WNT3A: variants seen among roughly 807,000 people sequenced by gnomAD.
WNT3A encodes the protein protein Wnt-3a.
A neutral mutation model predicts 37.0 loss-of-function variants in WNT3A; 17 were observed. The observed-to-expected ratio is 0.46, with a 90% CI of 0.31 to 0.69. The LOEUF is 0.69. Among genes scored for constraint, WNT3A ranks in the 30% least tolerant of loss-of-function variants. The pLI is 0.05. For missense variants in WNT3A, 411 were observed against 510.2 expected, an observed-to-expected ratio of 0.81 and a Z score of 1.87; for synonymous variants, 187 against 211.0, an observed-to-expected ratio of 0.89 and a Z score of 0.99.
intron 1 of WNT3A, among the ~76,000 whole-genome samples, chr1:228,020,083 G>C (rs183580884): frequency 2.6e-5 from 4 of 152,256 alleles, no homozygotes; most frequent in African/African-American, 7.2e-5. Context: ...CATTAGCCAG[G>C]CATGGTGGTG....
At position 228,050,760 on chromosome 1, in the gene WNT3A, A is replaced by C; in HGVS notation, c.418A>C (p.Ser140Arg). The C allele has an allele frequency of 6.2e-7, 1 of 1,613,988 alleles. No homozygotes were observed. The highest frequency in any genetic ancestry group is 8.5e-7 in the Non-Finnish European group (1 of 1,180,008). ...EGTAAICGCS[S>R]RHQGSPGKGW... ...CACGGCCGCCATCTGTGGCTGCAGC[A>C]GCCGCCACCAGGGCTCACCAGGCAA... The change falls in exon 3 of 4, where the codon AGC (serine) becomes CGC (arginine). Residue 140 changes from serine (S) to arginine (R), a missense_variant. Physicochemically the swap from Ser to Arg is moderately radical, Grantham distance 110. Coordinates refer to ENST00000284523, the MANE Select transcript of WNT3A (RefSeq NM_033131.4). The surrounding 1 kb of genome is among the most constrained non-coding windows in gnomAD (Gnocchi z 5.0).
At chr1:228,043,511 C>T (rs562606440) in intron 2 of WNT3A, among the ~76,000 whole-genome samples, 38 of 152,320 alleles carry the variant, frequency 2.5e-4, no homozygotes, top group Non-Finnish European at 3.8e-4. Flanking sequence ...GCACTTCCCA[C>T]GGGCAAGATG....
intron 2 of WNT3A, among the ~76,000 whole-genome samples, chr1:228,024,792 T>C (rs1352678703): frequency 6.6e-6 from 1 of 152,266 alleles, no homozygotes; most frequent in Non-Finnish European, 1.5e-5. Flanking sequence ...AAGTATTTAA[T>C]CTATTTTGAG....
In WNT3A at chr1:228,060,060, C is replaced by A; in HGVS notation, c.*595C>A. 1 of 1,197,180 alleles carries A rather than the reference C, an allele frequency of 8.4e-7. No individual in the cohort carries two copies. Among genetic ancestry groups the A allele is most frequent in the South Asian group, 1.5e-5 (1 of 66,312 alleles). The allele number at this position is 1,197,180 out of a possible 1,614,324, so 74.2% of individuals were successfully genotyped here. On this transcript the variant is annotated 3_prime_UTR_variant, in exon 4 of 4. Transcript: ENST00000284523. ...AAGGCCCCTTCCACGGGGGCTGTGG[C>A]TCTGGGTGGGCGTGGCCTGCATAGG...
At chr1:228,032,800 G>A (rs900755729) in intron 2 of WNT3A, among the ~76,000 whole-genome samples, 3 of 152,126 alleles carry the variant, frequency 2.0e-5, no homozygotes, top group African/African-American at 7.2e-5. Flanking sequence ...CAGGATCTGA[G>A]GATTCTGATT....
In WNT3A at chr1:228,060,190, T is replaced by C. The variant is rs377412775; in HGVS notation, c.*725T>C. On this transcript the variant is annotated 3_prime_UTR_variant, in exon 4 of 4. Coordinates refer to ENST00000284523, the MANE Select transcript of WNT3A (RefSeq NM_033131.4). ...GGGAACCGCCCTCCTGATTAAGGCG[T>C]GGCTTCTGCAGGAATCCCGGCTCCA... The C allele has an allele frequency of 5.2e-6, 7 of 1,351,538 alleles. No homozygotes were observed. Among genetic ancestry groups the C allele is most frequent in the Non-Finnish European group, 6.9e-6 (7 of 1,021,460 alleles). The allele number at this position is 1,351,538 out of a possible 1,614,324, so 83.7% of individuals were successfully genotyped here. A position where few individuals can be genotyped will look rare whatever the true frequency, so the allele number is the denominator to read the frequency against.
At chr1:228,017,064 C>A (rs1347306120) in intron 1 of WNT3A, among the ~76,000 whole-genome samples, 1 of 152,242 alleles carries the variant, frequency 6.6e-6, no homozygotes, top group Non-Finnish European at 1.5e-5. Flanking sequence ...TCTTAGAAAG[C>A]AGTGGCCCCT....
At chr1:228,028,082 G>T (rs1022386871) in intron 2 of WNT3A, among the ~76,000 whole-genome samples, 1 of 152,042 alleles carries the variant, frequency 6.6e-6, no homozygotes, top group Non-Finnish European at 1.5e-5. Flanking sequence ...TCAGTTGTCT[G>T]TACATTTTTG....
chr1:228,024,971 A>G (rs1277524947), intron 2 of WNT3A, among the ~76,000 whole-genome samples: 1 of 151,916 alleles, frequency 6.6e-6, no homozygotes, highest in Non-Finnish European at 1.5e-5. Flanking sequence ...TTATTTCTGG[A>G]CTCTCAATTC....
intron 2 of WNT3A, among the ~76,000 whole-genome samples, chr1:228,025,113 G>C (rs1055589661): frequency 6.6e-6 from 1 of 152,074 alleles, no homozygotes; most frequent in African/African-American, 2.4e-5. Context: ...GATTGTTTGG[G>C]GGGGACAGGA....
intron 2 of WNT3A, among the ~76,000 whole-genome samples, chr1:228,029,246 G>C (rs2030936226): frequency 6.6e-6 from 1 of 152,282 alleles, no homozygotes; most frequent in East Asian, 1.9e-4. Context: ...AGGGCCCTTG[G>C]AGCTTCCTTT....
Position 228,037,469 on chromosome 1 carries a change from G to T in WNT3A, c.314-13187G>T, listed in dbSNP as rs553354591. Among the ~76,000 whole-genome samples, 28 of 152,092 alleles carry T rather than the reference G, an allele frequency of 1.8e-4. No homozygotes were observed. In the East Asian group the frequency reaches 5.4e-3, roughly 30 times the overall value. ...GACAGCCCAGCCTCCTCTCCTCCCC[G>T]CTGAGCCCCCAGGAGCCCCTCGGGG... is the stretch of plus-strand genomic sequence containing the variant. On this transcript the variant is annotated intron_variant, in intron 2 of 3. Transcript: ENST00000284523. This position sits in a 1 kb window ranked among gnomAD's most constrained non-coding sequence, Gnocchi z 4.1.
At chr1:228,024,336 G>A (rs1261713261) in intron 2 of WNT3A, among the ~76,000 whole-genome samples, 2 of 152,166 alleles carry the variant, frequency 1.3e-5, no homozygotes, top group Non-Finnish European at 2.9e-5. Flanking sequence ...GTTTTCTGGT[G>A]TTTGTATTTC....
intron 2 of WNT3A, among the ~76,000 whole-genome samples, chr1:228,035,432 G>A (rs1172424715): frequency 6.6e-6 from 1 of 152,194 alleles, no homozygotes; most frequent in East Asian, 1.9e-4. Flanking sequence ...CCTCAGGCAG[G>A]CCCAGCAGTG....
rs556908564 is a variant in WNT3A at position 228,037,493 on chromosome 1, G to A, written c.314-13163G>A. 1.3e-5 allele frequency among the ~76,000 whole-genome samples: 2 copies of A among 152,136 alleles called. No homozygotes were observed. The highest frequency in any genetic ancestry group is 2.9e-5 in the Non-Finnish European group (2 of 67,958). On this transcript the variant is annotated intron_variant, in intron 2 of 3. Transcript: ENST00000284523. The surrounding 1 kb of genome is among the most constrained non-coding windows in gnomAD (Gnocchi z 4.1). The stretch of plus-strand genomic sequence containing the variant: ...CGCTGAGCCCCCAGGAGCCCCTCGG[G>A]GGTGGTCCGCCACCTCCCTGTGTGT...
chr1:228,044,962 G>A (rs1316546160), intron 2 of WNT3A, among the ~76,000 whole-genome samples: 1 of 152,178 alleles, frequency 6.6e-6, no homozygotes, highest in East Asian at 1.9e-4. Context: ...GCCTGCTCCA[G>A]GGTTTTCTCA....
At chr1:228,019,135 C>G (rs1293088516) in intron 1 of WNT3A, among the ~76,000 whole-genome samples, 7 of 152,232 alleles carry the variant, frequency 4.6e-5, no homozygotes, top group Non-Finnish European at 8.8e-5. Context: ...GGGCACAGAA[C>G]TGGCTGACTC....
rs1180107835 is a variant in WNT3A, at chr1:228,055,179, AATATATATATATATATATAT to A, written c.580-3785_580-3766del. On this transcript the variant is annotated intron_variant, in intron 3 of 3. Coordinates refer to ENST00000284523, the MANE Select transcript of WNT3A (RefSeq NM_033131.4). ...GTCCCAAAAAAAAAAAAAAAAAAAA[AATATATATATATATATATAT>A]ATATATATATATATATATATACACA... Among the ~76,000 whole-genome samples, 82 of 19,290 alleles carry A rather than the reference AATATATATATATATATATAT, an allele frequency of 4.3e-3. 2 individuals carry two copies. Among genetic ancestry groups the A allele is most frequent in the South Asian group, 9.1e-3 (3 of 328 alleles). 12.7% of individuals were successfully genotyped at this position (19,290 alleles called of 152,430 possible). A position where few individuals can be genotyped will look rare whatever the true frequency, so the allele number is the denominator to read the frequency against.
At chr1:228,027,464 C>T (rs982555652) in intron 2 of WNT3A, among the ~76,000 whole-genome samples, 1 of 152,210 alleles carries the variant, frequency 6.6e-6, no homozygotes, top group African/African-American at 2.4e-5. Context: ...TCAATAATGG[C>T]ATCCTTGCAA....
Sources: allele counts gnomAD v4.1 joint callset (sites outside exome capture counted in the v4.1 genomes callset), GRCh38; gene constraint gnomAD v4.1.1; non-coding constraint Gnocchi (gnomAD v3.1); transcripts MANE v1.5; gene names NCBI Gene and HGNC (gene_info 2026-07-23, HGNC 2026-07-21).